Variants in DPYD observed in about 807,000 individuals in gnomAD.
The protein encoded by DPYD is dihydropyrimidine dehydrogenase [NADP(+)].
Under a neutral mutation model 116.2 loss-of-function variants are expected in DPYD, and 109 were observed. The observed-to-expected ratio is 0.94, with a 90% CI of 0.80 to 1.10. The LOEUF is 1.10. DPYD is among the 50% of genes least tolerant of loss of function. The pLI is 0.00. For missense variants in DPYD, 1,302 were observed against 1,254.5 expected (o/e 1.04, Z -0.57); for synonymous variants, 440 against 432.0 (o/e 1.02, Z -0.23).
intron 16 of DPYD, among the ~76,000 whole-genome samples, chr1:97,369,021 C>T (rs1237751995): frequency 6.6e-6 from 1 of 152,054 alleles, no homozygotes; most frequent in African/African-American, 2.4e-5. Flanking sequence ...CTAGCCTGAA[C>T]TGGGTAAGAA....
chr1:97,899,071 C>T (rs1057143330), intron 1 of DPYD, among the ~76,000 whole-genome samples: 7 of 151,624 alleles, frequency 4.6e-5, no homozygotes, highest in African/African-American at 1.5e-4. Flanking sequence ...CAAGCTGTGA[C>T]TATTCTGTCA....
Position 97,699,419 on chromosome 1 carries a change from G to C in DPYD, c.612C>G (p.Ser204=), listed in dbSNP as rs768519000. ...GAGPASISCA[S]FLARLGYSDI... Reference sequence around the variant, plus strand: ...CAGAGTACCCCAATCGAGCCAAAAAGGAAGCACAACTTATACTTGCAGGCC... The same window carrying C: ...CAGAGTACCCCAATCGAGCCAAAAACGAAGCACAACTTATACTTGCAGGCC... Residue 204 remains serine (S), a synonymous_variant, in exon 6 of 23, where the codon TCC becomes TCG. Coordinates refer to ENST00000370192, the MANE Select transcript of DPYD (RefSeq NM_000110.4). The C allele has an allele frequency of 1.2e-6, 2 of 1,613,684 alleles. No individual in the cohort carries two copies. Among genetic ancestry groups the C allele is most frequent in the South Asian group, 2.2e-5 (2 of 91,082 alleles).
rs571406903 is a variant in DPYD, at chr1:97,096,609, T to A, written c.2766+1880A>T. ...GATTGTAAAATGCATCAATCAGTGC[T>A]CTGTAAAAACATACCAATCAGCACT... On this transcript the variant is annotated intron_variant, in intron 21 of 22. Transcript: ENST00000370192. 3.3e-5 allele frequency among the ~76,000 whole-genome samples: 5 copies of A among 152,236 alleles called. No homozygotes were observed. The South Asian group carries it at 1.0e-3, about 32-fold the overall frequency.
intron 16 of DPYD, among the ~76,000 whole-genome samples, chr1:97,340,010 G>T (rs762062194): frequency 2.6e-5 from 4 of 152,008 alleles, no homozygotes; most frequent in Non-Finnish European, 4.4e-5. Context: ...TTACTGAACT[G>T]GATATACTAA....
At chr1:97,595,013 T>C in intron 9 of DPYD, 46 bp downstream of exon 9, 1 of 1,384,066 alleles carries the variant, frequency 7.2e-7, no homozygotes, top group South Asian at 1.2e-5. Flanking sequence ...TTATCATAAA[T>C]AAAATAGCAT....
At chr1:97,485,304 C>T (rs569450674) in intron 13 of DPYD, among the ~76,000 whole-genome samples, 1 of 152,280 alleles carries the variant, frequency 6.6e-6, no homozygotes, top group South Asian at 2.1e-4. Flanking sequence ...CGGGTTCAAG[C>T]AATTTTCATG....
At chr1:97,751,029 A>G (rs991925901) in intron 3 of DPYD, among the ~76,000 whole-genome samples, 9 of 152,160 alleles carry the variant, frequency 5.9e-5, no homozygotes, top group African/African-American at 1.9e-4. Context: ...AAGCTGAAAC[A>G]ATAGTGAAAA....
At chr1:97,769,144 A>T (rs1295152501) in intron 3 of DPYD, among the ~76,000 whole-genome samples, 1 of 152,098 alleles carries the variant, frequency 6.6e-6, no homozygotes, top group Non-Finnish European at 1.5e-5. Context: ...ACTATTTAGA[A>T]ATTGCTGGGT....
chr1:97,414,411 A>G (rs1674177188), intron 14 of DPYD, among the ~76,000 whole-genome samples: 1 of 152,348 alleles, frequency 6.6e-6, no homozygotes, highest in Admixed American at 6.5e-5. Context: ...ATGGTCTTGA[A>G]GAAATCTCAT....
rs939665135 is a variant in DPYD, at chr1:97,885,580, T to C, written c.40-2206A>G. Reference sequence around the variant, plus strand: ...ATTTGATTTAAAGTGGTAATAACAATGCTTTGTGTTTTAAGTTTTTAGAGT... The same window carrying C: ...ATTTGATTTAAAGTGGTAATAACAACGCTTTGTGTTTTAAGTTTTTAGAGT... On this transcript the variant is annotated intron_variant, in intron 1 of 22. Coordinates refer to ENST00000370192, the MANE Select transcript of DPYD (RefSeq NM_000110.4). Among the ~76,000 whole-genome samples the C allele has an allele frequency of 3.3e-5, 5 of 152,220 alleles. 1 individual carries two copies.
chr1:97,298,993 T>C (rs919128196), intron 18 of DPYD, among the ~76,000 whole-genome samples: 2 of 152,122 alleles, frequency 1.3e-5, no homozygotes, highest in Non-Finnish European at 2.9e-5. Flanking sequence ...AATCTTGACA[T>C]ACTGAGAACT....
At chr1:97,540,481 C>T (rs916123597) in intron 12 of DPYD, among the ~76,000 whole-genome samples, 1 of 152,158 alleles carries the variant, frequency 6.6e-6, no homozygotes, top group African/African-American at 2.4e-5. Context: ...AGGGCAAGGT[C>T]TGAAAGGGCC....
chr1:97,342,336 G>T (rs1317150233), intron 16 of DPYD, among the ~76,000 whole-genome samples: 2 of 152,082 alleles, frequency 1.3e-5, no homozygotes, highest in Admixed American at 1.3e-4. Flanking sequence ...TTCAAAGGAT[G>T]GTTGGAATGG....
chr1:97,407,621 T>TGGGGC (rs1376323278), intron 14 of DPYD, among the ~76,000 whole-genome samples: 1 of 152,144 alleles, frequency 6.6e-6, no homozygotes, highest in Non-Finnish European at 1.5e-5. Context: ...GACAAAGCTT[T>TGGGGC]ACAGGGCTGG....
intron 3 of DPYD, among the ~76,000 whole-genome samples, chr1:97,757,929 T>C (rs1384805739): frequency 1.3e-5 from 2 of 152,172 alleles, no homozygotes; most frequent in African/African-American, 4.8e-5. Context: ...ATAAGGCAGC[T>C]TGGCGCTAAC....
At chr1:97,512,380 C>G (rs1647864132) in intron 13 of DPYD, among the ~76,000 whole-genome samples, 1 of 151,790 alleles carries the variant, frequency 6.6e-6, no homozygotes, top group African/African-American at 2.4e-5. Context: ...TAAAGTTAAT[C>G]ACAAGTTAAT....
chr1:97,257,563 AT>A (rs996798750), intron 18 of DPYD, among the ~76,000 whole-genome samples: 4 of 151,606 alleles, frequency 2.6e-5, no homozygotes, highest in African/African-American at 9.7e-5. Flanking sequence ...ACGTATATAT[AT>A]ATTTGTGTAT....
At chr1:97,407,373 T>C (rs1673719437) in intron 14 of DPYD, among the ~76,000 whole-genome samples, 1 of 152,220 alleles carries the variant, frequency 6.6e-6, no homozygotes, top group Non-Finnish European at 1.5e-5. Flanking sequence ...TTATGAGATT[T>C]AGCTCTTTGC....
At chr1:97,646,522 T>C (rs12731506) in intron 8 of DPYD, among the ~76,000 whole-genome samples, 1,794 of 152,244 alleles carry the variant, frequency 0.012, 24 homozygotes, top group Non-Finnish European at 0.02. Flanking sequence ...TTTATGGTTT[T>C]CAAAACACTC....
Sources: gnomAD v4.1 joint callset for allele counts (sites outside exome capture counted in the v4.1 genomes callset) on GRCh38, gnomAD v4.1.1 for gene constraint, MANE v1.5 for transcripts, NCBI Gene and HGNC (gene_info 2026-07-23, HGNC 2026-07-21) for gene names.